The following LYPD6B variants were observed in gnomAD, a reference collection of about 807,000 sequenced individuals.
LYPD6B encodes LY6/PLAUR domain containing 6B.
Under a neutral mutation model 22.8 loss-of-function variants are expected in LYPD6B, and 17 were observed. The ratio of observed to expected loss-of-function variants is 0.75; its 90% confidence interval spans 0.51 to 1.12. LYPD6B has a LOEUF of 1.12. Among genes scored for constraint, LYPD6B ranks in the 50% most tolerant of loss-of-function variants. LYPD6B has a pLI of 0.00. For missense variants in LYPD6B, 221 were observed against 258.3 expected, an observed-to-expected ratio of 0.86 and a Z score of 0.99; for synonymous variants, 106 against 91.6, an observed-to-expected ratio of 1.16 and a Z score of -0.90.
intron 2 of LYPD6B, among the ~76,000 whole-genome samples, chr2:149,135,283 G>A (rs942232603): frequency 1.7e-4 from 25 of 150,896 alleles, no homozygotes; most frequent in Non-Finnish European, 4.4e-5. Flanking sequence ...ACTTGCAGTT[G>A]TGTCTGATTT....
chr2:149,073,643 T>C (rs1180170728), intron 1 of LYPD6B, among the ~76,000 whole-genome samples: 1 of 152,002 alleles, frequency 6.6e-6, no homozygotes, highest in Admixed American at 6.6e-5. Flanking sequence ...TTGCTTATCC[T>C]CCTACCACTG....
intron 3 of LYPD6B, among the ~76,000 whole-genome samples, chr2:149,167,611 C>T (rs1248861903): frequency 5.5e-4 from 84 of 152,274 alleles, no homozygotes; most frequent in Non-Finnish European, 4.4e-5. Flanking sequence ...TGGTTCACCA[C>T]AGGGTCCTCA....
intron 3 of LYPD6B, among the ~76,000 whole-genome samples, chr2:149,203,366 A>C (rs1693300960): frequency 1.3e-5 from 2 of 152,174 alleles, no homozygotes; most frequent in South Asian, 2.1e-4. Context: ...GACTGTGAAA[A>C]AGGGATTAGT....
intron 3 of LYPD6B, among the ~76,000 whole-genome samples, chr2:149,184,645 G>A (rs185070435): frequency 2.6e-5 from 4 of 152,316 alleles, no homozygotes; most frequent in African/African-American, 9.6e-5. Context: ...TTGCTTGGCT[G>A]TTGTTTTCCT....
chr2:149,125,483 C>A (rs1383341150), intron 1 of LYPD6B, among the ~76,000 whole-genome samples: 1 of 152,120 alleles, frequency 6.6e-6, no homozygotes, highest in Non-Finnish European at 1.5e-5. Context: ...GTCAACCTCT[C>A]CCCCATCACA....
At chr2:149,117,736 T>G (rs913958022) in intron 1 of LYPD6B, among the ~76,000 whole-genome samples, 3 of 152,234 alleles carry the variant, frequency 2.0e-5, no homozygotes, top group Non-Finnish European at 4.4e-5. Flanking sequence ...TGTTCCAATT[T>G]AGTCTTGCCA....
intron 1 of LYPD6B, among the ~76,000 whole-genome samples, chr2:149,047,833 C>T (rs1232654711): frequency 6.6e-6 from 1 of 152,008 alleles, no homozygotes; most frequent in Admixed American, 6.6e-5. Context: ...TGTTTTTTCT[C>T]TTCTTATTTA....
intron 1 of LYPD6B, among the ~76,000 whole-genome samples, chr2:149,076,119 A>T (rs192600986): frequency 5.5e-4 from 84 of 152,240 alleles, no homozygotes; most frequent in African/African-American, 2.0e-3. Flanking sequence ...GGTTTTGAAT[A>T]TCGGAAAGTG....
intron 1 of LYPD6B, among the ~76,000 whole-genome samples, chr2:149,042,548 G>C (rs753734709): frequency 6.6e-6 from 1 of 152,188 alleles, no homozygotes; most frequent in African/African-American, 2.4e-5. Flanking sequence ...AAGAATGTGA[G>C]GGAATGAGGT....
intron 3 of LYPD6B, among the ~76,000 whole-genome samples, chr2:149,175,554 T>C (rs1691231613): frequency 6.6e-6 from 1 of 152,070 alleles, no homozygotes; most frequent in Non-Finnish European, 1.5e-5. Context: ...TATTAACTAA[T>C]TTTAGTTTAC....
chr2:149,041,604 C>T (rs1683092433), intron 1 of LYPD6B, among the ~76,000 whole-genome samples: 1 of 152,160 alleles, frequency 6.6e-6, no homozygotes, highest in Non-Finnish European at 1.5e-5. Context: ...GAAAGTGAGA[C>T]TGCCTGTTGG....
chr2:149,135,751 GT>G, intron 2 of LYPD6B, among the ~76,000 whole-genome samples: 1 of 141,316 alleles, frequency 7.1e-6, no homozygotes, highest in East Asian at 2.1e-4. Context: ...AAAAAAGTGT[GT>G]TTTTTTCCAA....
At chr2:149,206,098 C>A in intron 4 of LYPD6B, 1 of 435,774 alleles carries the variant, frequency 2.3e-6, no homozygotes, top group Non-Finnish European at 4.7e-6. Flanking sequence ...ATGTGGGTAC[C>A]TGTAGTTCCC....
At chr2:149,135,029 G>A (rs1688270408) in intron 2 of LYPD6B, among the ~76,000 whole-genome samples, 1 of 152,114 alleles carries the variant, frequency 6.6e-6, no homozygotes, top group South Asian at 2.1e-4. Flanking sequence ...TGGATCACTT[G>A]AGGTCAGGAG....
intron 3 of LYPD6B, among the ~76,000 whole-genome samples, chr2:149,193,373 A>G (rs999274169): frequency 6.6e-6 from 1 of 152,158 alleles, no homozygotes; most frequent in African/African-American, 2.4e-5. Flanking sequence ...GGCATTATCA[A>G]AGAACACTTT....
chr2:149,140,214 G>A (rs887379213), intron 2 of LYPD6B, among the ~76,000 whole-genome samples: 2 of 152,192 alleles, frequency 1.3e-5, no homozygotes, highest in Non-Finnish European at 2.9e-5. Flanking sequence ...GACCCTGAGT[G>A]TTTGGCTTGT....
intron 1 of LYPD6B, among the ~76,000 whole-genome samples, chr2:149,043,223 C>A (rs953737150): frequency 3.3e-5 from 5 of 152,032 alleles, no homozygotes; most frequent in African/African-American, 1.2e-4. Flanking sequence ...TTTAAAGAAT[C>A]AATTTTATTT....
intron 1 of LYPD6B, among the ~76,000 whole-genome samples, chr2:149,058,130 C>A (rs916436997): frequency 1.3e-5 from 2 of 152,148 alleles, no homozygotes; most frequent in African/African-American, 4.8e-5. Context: ...GGATGAGTTG[C>A]CTTGGCCCTC....
chr2:149,214,587 A>C lies in LYPD6B; in HGVS notation c.501A>C (p.Glu167Asp). ...GTGAAGGAATGATCTGCAATGTAGA[A>C]TTACCCACCAATCACACTAATGCAG... ...SCCEGMICNVELPTNHTNAVF... is the reference protein window; with the variant it reads ...SCCEGMICNVDLPTNHTNAVF... Residue 167 changes from glutamate to aspartate, a missense_variant, in exon 7 of 7, where the codon GAA (glutamate) becomes GAC (aspartate). Glu to Asp is a conservative substitution (Grantham distance 45). Coordinates refer to ENST00000409642, the MANE Select transcript of LYPD6B (RefSeq NM_177964.5). 2 of 1,613,936 alleles carry C rather than the reference A, an allele frequency of 1.2e-6. No homozygotes were observed. The highest frequency in any genetic ancestry group is 1.7e-6 in the Non-Finnish European group (2 of 1,179,866).
Sources: gnomAD v4.1 joint callset for allele counts (sites outside exome capture counted in the v4.1 genomes callset) on GRCh38, gnomAD v4.1.1 for gene constraint, MANE v1.5 for transcripts, NCBI Gene and HGNC (gene_info 2026-07-23, HGNC 2026-07-21) for gene names.